The following TMEM132D variants were observed in gnomAD, a reference collection of about 807,000 sequenced individuals.
TMEM132D encodes mature OL transmembrane protein.
TMEM132D carries 21 observed loss-of-function variants against 62.3 expected under a neutral mutation model. That is an observed-to-expected ratio of 0.34 (90% CI 0.24 to 0.49). The LOEUF is 0.49. Among genes scored for constraint, TMEM132D ranks in the 20% least tolerant of loss-of-function variants. TMEM132D has a pLI of 0.99. For missense variants in TMEM132D, 1,346 were observed against 1,402.8 expected (o/e 0.96, Z 0.65); for synonymous variants, 621 against 575.6 (o/e 1.08, Z -1.13).
At chr12:129,408,055 C>G (rs376032090) in intron 3 of TMEM132D, among the ~76,000 whole-genome samples, 105 of 152,234 alleles carry the variant, frequency 6.9e-4, no homozygotes, top group African/African-American at 2.4e-3. Flanking sequence ...GCCTGCGTCC[C>G]TCCGTCTGCC....
At chr12:129,136,762 T>C (rs1225185771) in intron 5 of TMEM132D, among the ~76,000 whole-genome samples, 2 of 140,976 alleles carry the variant, frequency 1.4e-5, no homozygotes, top group African/African-American at 2.7e-5. Flanking sequence ...TCCACCATCA[T>C]CACCATCATC....
chr12:129,526,501 T>C (rs932434806), intron 3 of TMEM132D, among the ~76,000 whole-genome samples: 1 of 152,156 alleles, frequency 6.6e-6, no homozygotes, highest in Admixed American at 6.5e-5. Flanking sequence ...GCCAGGATGG[T>C]CTCGAACTCC....
At chr12:129,897,451 GACC>G (rs1400809519) in intron 1 of TMEM132D, among the ~76,000 whole-genome samples, 1 of 152,110 alleles carries the variant, frequency 6.6e-6, no homozygotes, top group Non-Finnish European at 1.5e-5. Flanking sequence ...CCCTGCCCAG[GACC>G]CTACACATGT....
intron 5 of TMEM132D, among the ~76,000 whole-genome samples, chr12:129,125,298 G>C (rs902958403): frequency 3.9e-5 from 6 of 152,100 alleles, no homozygotes; most frequent in African/African-American, 1.4e-4. Context: ...AGACATTCTG[G>C]ATTCCCTCCA....
At chr12:129,549,422 C>T (rs1257526205) in intron 2 of TMEM132D, among the ~76,000 whole-genome samples, 2 of 151,752 alleles carry the variant, frequency 1.3e-5, no homozygotes, top group Admixed American at 6.6e-5. Context: ...GGGGTGGTTT[C>T]CCCCCTCCTG....
At chr12:129,787,679 T>C (rs1410603700) in intron 1 of TMEM132D, among the ~76,000 whole-genome samples, 1 of 152,112 alleles carries the variant, frequency 6.6e-6, no homozygotes, top group African/African-American at 2.4e-5. Flanking sequence ...TGAGTTCATA[T>C]CAGCTCCCTC....
rs189485213 is a variant in TMEM132D, at chr12:129,315,301, A to G, written c.1299+22333T>C. On this transcript the variant is annotated intron_variant, in intron 4 of 8. Coordinates refer to ENST00000422113, the MANE Select transcript of TMEM132D (RefSeq NM_133448.3). ...GAGTTTGTCATAGATGGCTTTTATTACTTTAAGGTATGTCCCTTGTATGCT... is the reference window on the plus strand; with the variant it reads ...GAGTTTGTCATAGATGGCTTTTATTGCTTTAAGGTATGTCCCTTGTATGCT... Among the ~76,000 whole-genome samples, 47 of 152,214 alleles carry G rather than the reference A, an allele frequency of 3.1e-4. No homozygotes were observed. In the East Asian group the frequency reaches 7.7e-3, roughly 25 times the overall value.
At chr12:129,448,947 T>C (rs1377241653) in intron 3 of TMEM132D, among the ~76,000 whole-genome samples, 1 of 152,248 alleles carries the variant, frequency 6.6e-6, no homozygotes, top group African/African-American at 2.4e-5. Flanking sequence ...TGAGACATAG[T>C]AGGTGTCCTG....
chr12:129,496,312 G>C (rs1389832875), intron 3 of TMEM132D, among the ~76,000 whole-genome samples: 1 of 152,140 alleles, frequency 6.6e-6, no homozygotes, highest in Admixed American at 6.5e-5. Context: ...CACCTTAGTG[G>C]GGAATCTTTA....
At chr12:129,273,262 G>A (rs1418800346) in intron 4 of TMEM132D, among the ~76,000 whole-genome samples, 2 of 151,614 alleles carry the variant, frequency 1.3e-5, no homozygotes, top group Non-Finnish European at 2.9e-5. Flanking sequence ...TGAAGCTGTG[G>A]AGAAAATAAA....
intron 3 of TMEM132D, among the ~76,000 whole-genome samples, chr12:129,499,257 G>A (rs1185331974): frequency 5.9e-5 from 9 of 152,106 alleles, no homozygotes; most frequent in Admixed American, 5.9e-4. Flanking sequence ...GCATGTTGAA[G>A]GTTCACGTGG....
At chr12:129,862,373 G>A (rs1193742822) in intron 1 of TMEM132D, among the ~76,000 whole-genome samples, 1 of 152,228 alleles carries the variant, frequency 6.6e-6, no homozygotes, top group Non-Finnish European at 1.5e-5. Flanking sequence ...AGCAGACCCA[G>A]CCTTCAGGAG....
chr12:129,464,686 A>G (rs1873822170), intron 3 of TMEM132D, among the ~76,000 whole-genome samples: 1 of 152,204 alleles, frequency 6.6e-6, no homozygotes, highest in Non-Finnish European at 1.5e-5. Context: ...AGCTTCCTAC[A>G]TATGGCTAGC....
At chr12:129,713,851 T>C (rs1868468103) in intron 1 of TMEM132D, among the ~76,000 whole-genome samples, 1 of 152,174 alleles carries the variant, frequency 6.6e-6, no homozygotes, top group South Asian at 2.1e-4. Context: ...AACTCAAGAA[T>C]TTGCATTCTA....
intron 3 of TMEM132D, among the ~76,000 whole-genome samples, chr12:129,448,274 G>C (rs1255875002): frequency 6.6e-6 from 1 of 152,118 alleles, no homozygotes; most frequent in Non-Finnish European, 1.5e-5. Context: ...CGTTACACAG[G>C]TAAACTCATG....
intron 4 of TMEM132D, among the ~76,000 whole-genome samples, chr12:129,264,520 A>T (rs894747384): frequency 2.6e-5 from 4 of 152,254 alleles, no homozygotes; most frequent in Non-Finnish European, 2.9e-5. Flanking sequence ...GATTCCTTAA[A>T]GAACTAAAAG....
intron 2 of TMEM132D, among the ~76,000 whole-genome samples, chr12:129,584,462 C>T (rs1877962880): frequency 6.6e-6 from 1 of 152,222 alleles, no homozygotes; most frequent in Non-Finnish European, 1.5e-5. Flanking sequence ...CTTCCTTTGG[C>T]CTCATGGTGG....
At chr12:129,515,231 G>A (rs183208684) in intron 3 of TMEM132D, among the ~76,000 whole-genome samples, 21 of 152,228 alleles carry the variant, frequency 1.4e-4, no homozygotes, top group South Asian at 1.0e-3. Flanking sequence ...AAATCGAAAC[G>A]CTGTGTCTTG....
intron 4 of TMEM132D, among the ~76,000 whole-genome samples, chr12:129,288,848 A>T (rs540987547): frequency 1.7e-4 from 26 of 152,250 alleles, no homozygotes; most frequent in Non-Finnish European, 2.9e-5. Flanking sequence ...TCAGTGAATG[A>T]GTAGATGAAG....
Sources: allele counts gnomAD v4.1 joint callset (sites outside exome capture counted in the v4.1 genomes callset), GRCh38; gene constraint gnomAD v4.1.1; transcripts MANE v1.5; gene names NCBI Gene and HGNC (gene_info 2026-07-23, HGNC 2026-07-21).